RAD51B: variants seen among roughly 807,000 people sequenced by gnomAD.
RAD51B encodes the protein DNA repair protein RAD51 homolog 2.
A neutral mutation model predicts 42.2 loss-of-function variants in RAD51B; 38 were observed. The ratio of observed to expected loss-of-function variants is 0.90; its 90% confidence interval spans 0.70 to 1.18. The LOEUF is 1.18. Ranked by LOEUF, RAD51B falls within the 50% of genes most tolerant of loss-of-function variation. RAD51B has a pLI of 0.00. For missense variants in RAD51B, 373 were observed against 400.7 expected (o/e 0.93, Z 0.59); for synonymous variants, 154 against 145.2 (o/e 1.06, Z -0.43).
At chr14:68,570,252 C>T (rs1194949656) in intron 10 of RAD51B, among the ~76,000 whole-genome samples, 2 of 152,154 alleles carry the variant, frequency 1.3e-5, no homozygotes, top group Admixed American at 6.5e-5. Flanking sequence ...AGAGGGCTGT[C>T]CTGCCTGGAA....
chr14:68,577,012 G>A (rs1200802094), intron 10 of RAD51B, among the ~76,000 whole-genome samples: 1 of 152,212 alleles, frequency 6.6e-6, no homozygotes, highest in East Asian at 1.9e-4. Flanking sequence ...AGCTTGGGAG[G>A]CCAGGGTCTG....
chr14:68,045,015 G>A (rs2076276423), intron 7 of RAD51B, among the ~76,000 whole-genome samples: 1 of 151,938 alleles, frequency 6.6e-6, no homozygotes, highest in Non-Finnish European at 1.5e-5. Flanking sequence ...CAAGGCGGGT[G>A]GATCACCTGA....
At chr14:68,267,835 C>G (rs752067720) in intron 7 of RAD51B, among the ~76,000 whole-genome samples, 1 of 152,216 alleles carries the variant, frequency 6.6e-6, no homozygotes, top group Non-Finnish European at 1.5e-5. Context: ...TCACCATGCT[C>G]TGTCATAATT....
chr14:68,037,941 T>C (rs1254880603), intron 7 of RAD51B, among the ~76,000 whole-genome samples: 1 of 152,242 alleles, frequency 6.6e-6, no homozygotes, highest in Non-Finnish European at 1.5e-5. Flanking sequence ...CTATTCTCCT[T>C]GAAAGGGAAG....
At chr14:68,305,564 C>T (rs2081843105) in intron 8 of RAD51B, among the ~76,000 whole-genome samples, 1 of 152,336 alleles carries the variant, frequency 6.6e-6, no homozygotes, top group South Asian at 2.1e-4. Context: ...CACTGTAGTA[C>T]AGCATCTAAT....
At chr14:68,073,218 T>A (rs1566624118) in intron 7 of RAD51B, among the ~76,000 whole-genome samples, 1 of 152,200 alleles carries the variant, frequency 6.6e-6, no homozygotes, top group Non-Finnish European at 1.5e-5. Flanking sequence ...GTTGGGTGCA[T>A]ATATATTTAG....
chr14:68,311,175 A>G (rs2081960414), intron 8 of RAD51B, among the ~76,000 whole-genome samples: 1 of 152,226 alleles, frequency 6.6e-6, no homozygotes, highest in East Asian at 1.9e-4. Context: ...AGAAAATGAG[A>G]CTTACTAAAT....
rs34953296 is a variant in RAD51B, at chr14:68,230,591, A to G, written c.757-61293A>G. On this transcript the variant is annotated intron_variant, in intron 7 of 10. Transcript: ENST00000471583. The stretch of plus-strand genomic sequence containing the variant: ...CAAGCACTTTTGGTGTTCCTACCAA[A>G]AAAAGGACATTCAAAGGCAACAGAT... Among the ~76,000 whole-genome samples the G allele has an allele frequency of 1.4e-3, 220 of 152,316 alleles. 2 individuals are homozygous for G. Among genetic ancestry groups the G allele is most frequent in the African/African-American group, 5.1e-3 (214 of 41,574 alleles).
At chr14:67,906,720 C>T (rs1322058553) in intron 7 of RAD51B, among the ~76,000 whole-genome samples, 1 of 151,966 alleles carries the variant, frequency 6.6e-6, no homozygotes, top group Admixed American at 6.6e-5. Flanking sequence ...TTGTGTATTT[C>T]TGTGGGGTTG....
At chr14:68,040,191 AT>A (rs1264991079) in intron 7 of RAD51B, among the ~76,000 whole-genome samples, 1 of 152,182 alleles carries the variant, frequency 6.6e-6, no homozygotes, top group Non-Finnish European at 1.5e-5. Flanking sequence ...ACCAGAAAGA[AT>A]TGAACTGCGT....
At chr14:67,862,232 T>C (rs1426681894) in intron 4 of RAD51B, among the ~76,000 whole-genome samples, 2 of 152,182 alleles carry the variant, frequency 1.3e-5, no homozygotes, top group East Asian at 1.9e-4. Flanking sequence ...TTTCAAAATA[T>C]CATCATATTG....
At chr14:68,034,579 C>A (rs546879439) in intron 7 of RAD51B, among the ~76,000 whole-genome samples, 1 of 152,230 alleles carries the variant, frequency 6.6e-6, no homozygotes, top group South Asian at 2.1e-4. Context: ...TATTTGTCTT[C>A]TTAAGCCTAC....
chr14:68,399,493 A>G (rs1173304371), intron 8 of RAD51B, among the ~76,000 whole-genome samples: 9 of 152,032 alleles, frequency 5.9e-5, no homozygotes, highest in Non-Finnish European at 1.3e-4. Context: ...TCCTGACTTC[A>G]TGATCCACCC....
intron 7 of RAD51B, among the ~76,000 whole-genome samples, chr14:68,147,036 C>T (rs2078266302): frequency 6.6e-6 from 1 of 152,152 alleles, no homozygotes; most frequent in African/African-American, 2.4e-5. Flanking sequence ...AGCATTGAGA[C>T]TCGCCACTTA....
intron 7 of RAD51B, among the ~76,000 whole-genome samples, chr14:68,287,433 T>C (rs2081434285): frequency 6.6e-6 from 1 of 152,212 alleles, no homozygotes; most frequent in Non-Finnish European, 1.5e-5. Context: ...TTCTTGTTCC[T>C]TCTAATAGGT....
intron 8 of RAD51B, among the ~76,000 whole-genome samples, chr14:68,403,008 G>T (rs1434512590): frequency 6.6e-6 from 1 of 152,198 alleles, no homozygotes; most frequent in Non-Finnish European, 1.5e-5. Context: ...CTAGCCAGCA[G>T]CTGGCCACAG....
intron 8 of RAD51B, among the ~76,000 whole-genome samples, chr14:68,377,635 G>A (rs906516408): frequency 1.8e-4 from 28 of 152,190 alleles, no homozygotes; most frequent in Non-Finnish European, 2.5e-4. Flanking sequence ...CTCTGGTGTA[G>A]GACAATACCA....
At chr14:68,217,486 G>A (rs1215701729) in intron 7 of RAD51B, among the ~76,000 whole-genome samples, 1 of 152,178 alleles carries the variant, frequency 6.6e-6, no homozygotes, top group East Asian at 1.9e-4. Context: ...CGGGTGCATG[G>A]TCCAGGGGAA....
At chr14:68,098,590 C>T (rs140534669) in intron 7 of RAD51B, among the ~76,000 whole-genome samples, 1 of 152,246 alleles carries the variant, frequency 6.6e-6, no homozygotes, top group African/African-American at 2.4e-5. Context: ...AAGTGGAAAC[C>T]CCTGATAAAC....
Sources: gnomAD v4.1 joint callset for allele counts (sites outside exome capture counted in the v4.1 genomes callset) on GRCh38, gnomAD v4.1.1 for gene constraint, MANE v1.5 for transcripts, NCBI Gene and HGNC (gene_info 2026-07-23, HGNC 2026-07-21) for gene names.